The following KPNA4 variants were observed in gnomAD, a reference collection of about 807,000 sequenced individuals.
KPNA4 encodes the protein karyopherin subunit alpha 4.
Under a neutral mutation model 71.3 loss-of-function variants are expected in KPNA4, and 13 were observed. The ratio of observed to expected loss-of-function variants is 0.18; its 90% CI spans 0.12 to 0.29. KPNA4 has a LOEUF of 0.29. KPNA4 is among the 10% of genes least tolerant of loss of function. The pLI is 1.00. For synonymous variants in KPNA4, 189 were observed against 195.2 expected (o/e 0.97, Z 0.26); for missense variants, 334 against 603.2 (o/e 0.55, Z 4.67).
At chr3:160,548,246 AT>A (rs1005920015) in intron 1 of KPNA4, among the ~76,000 whole-genome samples, 11 of 152,150 alleles carry the variant, frequency 7.2e-5, no homozygotes, top group Non-Finnish European at 2.9e-5. Context: ...TAATATATAC[AT>A]AACAATAAAA....
intron 7 of KPNA4, among the ~76,000 whole-genome samples, chr3:160,528,759 G>A (rs997294072): frequency 2.0e-5 from 3 of 152,220 alleles, no homozygotes; most frequent in Non-Finnish European, 4.4e-5. Flanking sequence ...TTCCGAATCA[G>A]AAAGTGATTC....
chr3:160,513,972 T>C, intron 13 of KPNA4, 105 bp downstream of exon 13: 1 of 571,558 alleles, frequency 1.7e-6, no homozygotes, highest in Non-Finnish European at 2.8e-6. Context: ...TATGCCACTG[T>C]ATGGCTTCTA....
chr3:160,554,689 A>C (rs565875493), intron 1 of KPNA4, among the ~76,000 whole-genome samples: 1 of 152,182 alleles, frequency 6.6e-6, no homozygotes, highest in Admixed American at 6.5e-5. Context: ...CTGAAGGTTA[A>C]GCTGATCACC....
At chr3:160,525,903 G>C (rs752838394) in intron 9 of KPNA4, 35 bp downstream of exon 9, 7 of 1,530,446 alleles carry the variant, frequency 4.6e-6, no homozygotes, top group Non-Finnish European at 5.3e-6. Flanking sequence ...TATATATAAT[G>C]GTATCTCTTT....
intron 5 of KPNA4, 45 bp downstream of exon 5, chr3:160,535,468 T>A: frequency 6.9e-7 from 1 of 1,449,512 alleles, no homozygotes; most frequent in Non-Finnish European, 9.6e-7. Flanking sequence ...ATAGAACCCC[T>A]GTGTAAGTTG....
intron 15 of KPNA4, among the ~76,000 whole-genome samples, chr3:160,506,272 G>A (rs1222052126): frequency 6.6e-6 from 1 of 151,882 alleles, no homozygotes; most frequent in African/African-American, 2.4e-5. Context: ...GGGTTCAAAT[G>A]ATTCTCGTGC....
intron 1 of KPNA4, among the ~76,000 whole-genome samples, chr3:160,563,408 T>C (rs1577066155): frequency 6.6e-6 from 1 of 152,170 alleles, no homozygotes; most frequent in African/African-American, 2.4e-5. Context: ...TGTTAATGAG[T>C]ACAGGTTTCT....
intron 11 of KPNA4, among the ~76,000 whole-genome samples, chr3:160,520,639 T>C (rs896769180): frequency 2.6e-5 from 4 of 152,154 alleles, no homozygotes; most frequent in Non-Finnish European, 5.9e-5. Flanking sequence ...GGGTCTCTAA[T>C]CTGACTATGT....
At chr3:160,509,702 T>C in intron 14 of KPNA4, 98 bp downstream of exon 14, 1 of 919,038 alleles carries the variant, frequency 1.1e-6, no homozygotes, top group South Asian at 1.4e-5. Flanking sequence ...AGGGTGTTGC[T>C]ATTATTTTAA....
At chr3:160,565,069 G>A in intron 1 of KPNA4, 145 bp downstream of exon 1, 1 of 648,836 alleles carries the variant, frequency 1.5e-6, no homozygotes, top group Non-Finnish European at 2.7e-6. Context: ...CGCGCTAGCA[G>A]AGGCGTCACA....
At chr3:160,502,530 C>G (rs1219823993) in intron 16 of KPNA4, among the ~76,000 whole-genome samples, 1 of 151,970 alleles carries the variant, frequency 6.6e-6, no homozygotes, top group Non-Finnish European at 1.5e-5. Flanking sequence ...ACCACCACGC[C>G]TGGCTAATTT....
chr3:160,556,668 T>C (rs1722143788), intron 1 of KPNA4, among the ~76,000 whole-genome samples: 1 of 152,206 alleles, frequency 6.6e-6, no homozygotes. Context: ...CCTTTAAGCA[T>C]CACGTAGGTG....
chr3:160,541,037 A>C (rs1376355239), intron 1 of KPNA4, among the ~76,000 whole-genome samples: 1 of 152,244 alleles, frequency 6.6e-6, no homozygotes, highest in Non-Finnish European at 1.5e-5. Flanking sequence ...ATGAACATTT[A>C]CTATGCATCC....
intron 1 of KPNA4, among the ~76,000 whole-genome samples, chr3:160,546,415 GGCAGAGGGAGGAGAATCGCTTGAACCCA>G (rs1333923709): frequency 2.0e-5 from 3 of 152,160 alleles, no homozygotes; most frequent in African/African-American, 7.2e-5. Context: ...CTACTTGGGA[GGCAGAGGGAGGAGAATCGCTTGAACCCA>G]GGCGGCCGAG....
chr3:160,527,909 T>C (rs1054250833), intron 8 of KPNA4, 44 bp downstream of exon 8: 1 of 1,430,140 alleles, frequency 7.0e-7, no homozygotes, highest in Non-Finnish European at 9.8e-7. Context: ...TTACTTAGTA[T>C]ATGATAACAA....
At chr3:160,538,021 T>C (rs1259523283) in intron 1 of KPNA4, among the ~76,000 whole-genome samples, 2 of 151,878 alleles carry the variant, frequency 1.3e-5, no homozygotes, top group African/African-American at 4.8e-5. Flanking sequence ...AGTCTTAATT[T>C]TTATGTGCCA....
At chr3:160,541,293 G>C (rs1048375342) in intron 1 of KPNA4, among the ~76,000 whole-genome samples, 1 of 151,980 alleles carries the variant, frequency 6.6e-6, no homozygotes, top group South Asian at 2.1e-4. Flanking sequence ...AGCAAAGTTA[G>C]GATTTAGTTA....
chr3:160,522,013 T>C (rs1721358716), intron 10 of KPNA4, 103 bp from the exon 11 acceptor site: 1 of 887,090 alleles, frequency 1.1e-6, no homozygotes, highest in Non-Finnish European at 1.7e-6. Context: ...CCTTCTTCCT[T>C]CTTTTCTTCT....
At chr3:160,561,330 G>A (rs1722241624) in intron 1 of KPNA4, among the ~76,000 whole-genome samples, 1 of 151,906 alleles carries the variant, frequency 6.6e-6, no homozygotes, top group South Asian at 2.1e-4. Context: ...ACTTTATCCT[G>A]ACAAGTTTTT....
Sources: gnomAD v4.1 joint callset for allele counts (sites outside exome capture counted in the v4.1 genomes callset) on GRCh38, gnomAD v4.1.1 for gene constraint, MANE v1.5 for transcripts, NCBI Gene and HGNC (gene_info 2026-07-23, HGNC 2026-07-21) for gene names.